The following LINGO1 variants were observed in gnomAD, a reference collection of about 807,000 sequenced individuals.
LINGO1 encodes leucine rich repeat and Ig domain containing 1, also known as leucine-rich repeat and immunoglobulin-like domain-containing nogo receptor-interacting protein 1.
A neutral mutation model predicts 37.3 loss-of-function variants in LINGO1; 11 were observed. That is an observed-to-expected ratio of 0.29 (90% CI 0.19 to 0.49). The LOEUF (loss-of-function observed/expected upper bound fraction) is 0.49. Among genes scored for constraint, LINGO1 ranks in the 20% least tolerant of loss-of-function variants. LINGO1 has a pLI of 0.99. For synonymous variants in LINGO1, 387 were observed against 403.0 expected (o/e 0.96, Z 0.48); for missense variants, 585 against 878.2 (o/e 0.67, Z 4.22).
Position 77,643,361 on chromosome 15 carries a change from G to A in LINGO1, c.-12-27461C>T, listed in dbSNP as rs541903130. ...GACTGGGGACAGAGGCAAACCTCAG[G>A]GTAGGGAGGTCCGCAGTGGGAAGGG... On this transcript the variant is annotated intron_variant, in intron 3 of 3. Coordinates refer to the LINGO1 transcript ENST00000559893. Among the ~76,000 whole-genome samples, 4 of 152,304 alleles carry A rather than the reference G, an allele frequency of 2.6e-5. No individual in the cohort carries two copies. The South Asian group carries it at 8.3e-4, about 32-fold the overall frequency.
chr15:77,720,258 AG>A (rs2076035279), intron 2 of LINGO1, among the ~76,000 whole-genome samples: 1 of 152,210 alleles, frequency 6.6e-6, no homozygotes, highest in South Asian at 2.1e-4. Flanking sequence ...GGAAATAAAC[AG>A]CAATTAGAGG....
chr15:77,676,172 T>G (rs2075324557), intron 3 of LINGO1, among the ~76,000 whole-genome samples: 1 of 152,196 alleles, frequency 6.6e-6, no homozygotes, highest in South Asian at 2.1e-4. Flanking sequence ...GGAAATGCCC[T>G]TGATTGTGGC....
At chr15:77,764,009 G>A (rs1032513854) in intron 1 of LINGO1, among the ~76,000 whole-genome samples, 3 of 152,220 alleles carry the variant, frequency 2.0e-5, no homozygotes, top group African/African-American at 7.2e-5. Context: ...GACCATGGCG[G>A]GAGGCCTCAG....
intron 2 of LINGO1, among the ~76,000 whole-genome samples, chr15:77,794,917 CA>C (rs1423056753): frequency 1.3e-5 from 2 of 152,086 alleles, no homozygotes; most frequent in Non-Finnish European, 2.9e-5. Flanking sequence ...GAAGGAAATC[CA>C]GGCCTCCGCT....
At chr15:77,779,983 C>T (rs188668116) in intron 1 of LINGO1, among the ~76,000 whole-genome samples, 3 of 152,290 alleles carry the variant, frequency 2.0e-5, no homozygotes, top group African/African-American at 4.8e-5. Context: ...CACACAGTGA[C>T]GGGGAAGCCC....
chr15:77,639,428 G>A (rs760780389), intron 3 of LINGO1, among the ~76,000 whole-genome samples: 1 of 151,954 alleles, frequency 6.6e-6, no homozygotes, highest in Non-Finnish European at 1.5e-5. Context: ...GCAAGGAATG[G>A]CCCGGCAACT....
rs577726292 is a variant in LINGO1 at position 77,730,930 on chromosome 15, G to A, written c.-195+4062C>T. On this transcript the variant is annotated intron_variant, in intron 2 of 3. Transcript: ENST00000561686. ...TGGGACTGCCCACTGAGAAAAACCA[G>A]AGCTGGGTCCCCCAGGACCTCTGGC... Among the ~76,000 whole-genome samples, 42 of 152,334 alleles carry A rather than the reference G, an allele frequency of 2.8e-4. No homozygotes were observed. The South Asian group carries it at 4.8e-3, about 17-fold the overall frequency.
At chr15:77,737,873 C>T (rs1400586439) in intron 1 of LINGO1, among the ~76,000 whole-genome samples, 2 of 152,148 alleles carry the variant, frequency 1.3e-5, no homozygotes, top group Admixed American at 6.5e-5. Flanking sequence ...GACATCCTCT[C>T]CATCCCATCC....
intron 3 of LINGO1, among the ~76,000 whole-genome samples, chr15:77,644,451 G>C (rs1308969275): frequency 1.3e-5 from 2 of 152,182 alleles, no homozygotes; most frequent in African/African-American, 2.4e-5. Context: ...GGTTCCAGGG[G>C]TCCCCAAACA....
intron 3 of LINGO1, among the ~76,000 whole-genome samples, chr15:77,646,890 T>C: frequency 6.6e-6 from 1 of 152,150 alleles, no homozygotes; most frequent in East Asian, 1.9e-4. Flanking sequence ...CGGCCTAGAA[T>C]CTAGGCATTT....
intron 1 of LINGO1, among the ~76,000 whole-genome samples, chr15:77,771,012 C>T (rs1162892745): frequency 6.6e-6 from 1 of 152,226 alleles, no homozygotes; most frequent in Non-Finnish European, 1.5e-5. Flanking sequence ...TCTGACACAA[C>T]ACCTCTCCAC....
upstream of LINGO1, among the ~76,000 whole-genome samples, chr15:77,789,797 GTTTT>G (rs1410128941): frequency 6.6e-6 from 1 of 150,494 alleles, no homozygotes; most frequent in Admixed American, 6.6e-5. Context: ...GGGCTTTGGG[GTTTT>G]TTTGAGACAG....
chr15:77,790,944 A>T (rs915237531), upstream of LINGO1, among the ~76,000 whole-genome samples: 3 of 152,198 alleles, frequency 2.0e-5, no homozygotes, highest in African/African-American at 7.2e-5. Context: ...CTCCCTCATC[A>T]TGAGCTTGGG....
intron 1 of LINGO1, among the ~76,000 whole-genome samples, chr15:77,778,455 A>G (rs1246056864): frequency 1.3e-5 from 2 of 152,166 alleles, no homozygotes; most frequent in Non-Finnish European, 2.9e-5. Flanking sequence ...CGCATCCCAG[A>G]CAACTAACGG....
At chr15:77,652,483 A>AGAGTGTGTGT (rs1555525720) in intron 3 of LINGO1, among the ~76,000 whole-genome samples, 9 of 128,868 alleles carry the variant, frequency 7.0e-5, no homozygotes, top group African/African-American at 2.2e-4. Context: ...GGGGAGGGAG[A>AGAGTGTGTGT]GTGTGTGTGT....
At chr15:77,783,035 C>A (rs1384204178) in intron 1 of LINGO1, among the ~76,000 whole-genome samples, 1 of 152,192 alleles carries the variant, frequency 6.6e-6, no homozygotes, top group Admixed American at 6.5e-5. Flanking sequence ...TACTTCCCAC[C>A]TCCCAGCCTT....
rs1596106276 is a variant in LINGO1 at position 77,685,545 on chromosome 15, A to G, written c.-99+5175T>C. The stretch of plus-strand genomic sequence containing the variant: ...CCCATCCCAGAGTAGGTATTCAAAC[A>G]CGTAGAATCCTTGTTTAAAGTATAA... On this transcript the variant is annotated intron_variant, in intron 2 of 3. Coordinates refer to the LINGO1 transcript ENST00000559893. Among the ~76,000 whole-genome samples the G allele has an allele frequency of 3.9e-5, 6 of 152,264 alleles. 2 individuals carry two copies. The South Asian group carries it at 1.2e-3, about 32-fold the overall frequency.
At chr15:77,673,851 G>C (rs1296748662) in intron 3 of LINGO1, among the ~76,000 whole-genome samples, 4 of 152,114 alleles carry the variant, frequency 2.6e-5, no homozygotes, top group Non-Finnish European at 5.9e-5. Flanking sequence ...TGCTAGGGCT[G>C]GCTCACAGAT....
chr15:77,812,759 G>A (rs542227321), intron 1 of LINGO1, among the ~76,000 whole-genome samples: 2 of 152,372 alleles, frequency 1.3e-5, no homozygotes, highest in East Asian at 3.9e-4. Flanking sequence ...ATTGCTGAGT[G>A]CCGTGCAATT....
Sources: allele counts gnomAD v4.1 joint callset (sites outside exome capture counted in the v4.1 genomes callset), GRCh38; gene constraint gnomAD v4.1.1; transcripts MANE v1.5; gene names NCBI Gene and HGNC (gene_info 2026-07-23, HGNC 2026-07-21).